Variants in KIAA0825 observed in about 807,000 individuals in gnomAD.
KIAA0825 encodes KIAA0825.
KIAA0825 carries 119 observed loss-of-function variants against 147.6 expected under a neutral mutation model. The ratio of observed to expected loss-of-function variants is 0.81; its 90% CI spans 0.69 to 0.94. KIAA0825 has a LOEUF of 0.94. KIAA0825 is among the 40% of genes least tolerant of loss of function. The pLI is 0.00. For missense variants in KIAA0825, 1,381 were observed against 1,472.7 expected (o/e 0.94, Z 1.02); for synonymous variants, 470 against 518.1 (o/e 0.91, Z 1.26).
chr5:94,225,801 T>C (rs918578156), intron 20 of KIAA0825, among the ~76,000 whole-genome samples: 4 of 152,168 alleles, frequency 2.6e-5, no homozygotes, highest in African/African-American at 9.7e-5. Context: ...GGAATACAGC[T>C]CAACATTTCT....
intron 20 of KIAA0825, among the ~76,000 whole-genome samples, chr5:94,356,403 C>T (rs1018878046): frequency 6.6e-6 from 1 of 151,502 alleles, no homozygotes; most frequent in Non-Finnish European, 1.5e-5. Context: ...GTCAGGAGAT[C>T]GAGACCCTCC....
At chr5:94,491,246 G>T (rs1378039251) in intron 5 of KIAA0825, among the ~76,000 whole-genome samples, 1 of 152,080 alleles carries the variant, frequency 6.6e-6, no homozygotes, top group African/African-American at 2.4e-5. Flanking sequence ...ACACACAAAA[G>T]CTACTGAAAG....
chr5:94,302,207 G>A (rs375664192), intron 20 of KIAA0825, among the ~76,000 whole-genome samples: 5 of 151,968 alleles, frequency 3.3e-5, no homozygotes, highest in African/African-American at 9.7e-5. Flanking sequence ...AAATAGGCCC[G>A]TTCAGCCCCA....
In KIAA0825 at chr5:94,473,470, A is replaced by G; in HGVS notation, c.1277T>C (p.Leu426Pro). 1.9e-6 allele frequency: 3 copies of G among 1,551,802 alleles called. No individual in the cohort carries two copies. The South Asian group carries it at 3.6e-5, about 18-fold the overall frequency. Residue 426 changes from leucine (L) to proline (P), a missense_variant, in exon 8 of 21, where the codon CTT becomes CCT. Physicochemically the swap from Leu to Pro is moderately conservative, Grantham distance 98. Coordinates refer to ENST00000682413, the MANE Select transcript of KIAA0825 (RefSeq NM_001145678.3). The stretch of plus-strand genomic sequence containing the variant: ...AGTTACTACGCAGTGCGCCATGGGA[A>G]GAGACACTTCTTTAAATGCACTTCT... ...GWRSAFKEVS[L>P]PMAHCVVTAI...
intron 20 of KIAA0825, among the ~76,000 whole-genome samples, chr5:94,281,801 C>T (rs1057376001): frequency 3.4e-4 from 51 of 152,122 alleles, no homozygotes; most frequent in African/African-American, 1.2e-3. Context: ...TTCCCCTTTC[C>T]CCGTTCCCTA....
At chr5:94,586,188 T>C (rs1783247745) in intron 1 of KIAA0825, among the ~76,000 whole-genome samples, 1 of 151,512 alleles carries the variant, frequency 6.6e-6, no homozygotes, top group South Asian at 2.1e-4. Context: ...ATAACTAAGA[T>C]CAGAGCAGAA....
At chr5:94,223,843 A>C (rs908498697) in intron 20 of KIAA0825, among the ~76,000 whole-genome samples, 1 of 152,120 alleles carries the variant, frequency 6.6e-6, no homozygotes, top group African/African-American at 2.4e-5. Context: ...GACATTTAAC[A>C]TGCCTTAGTT....
At chr5:94,275,296 A>G (rs568752371) in intron 20 of KIAA0825, among the ~76,000 whole-genome samples, 20 of 152,252 alleles carry the variant, frequency 1.3e-4, no homozygotes, top group African/African-American at 4.6e-4. Flanking sequence ...GAATTGGGAA[A>G]GCCCCCCAGA....
chr5:94,494,959 C>G (rs1280357161), intron 5 of KIAA0825, among the ~76,000 whole-genome samples: 2 of 152,180 alleles, frequency 1.3e-5, no homozygotes, highest in African/African-American at 4.8e-5. Context: ...AGATGGATTT[C>G]AGTTAAGACA....
chr5:94,212,560 T>C (rs1042420503), intron 20 of KIAA0825, among the ~76,000 whole-genome samples: 44 of 152,196 alleles, frequency 2.9e-4, no homozygotes, highest in African/African-American at 9.9e-4. Flanking sequence ...CATGGGACTA[T>C]GGGCAACATA....
At chr5:94,391,469 C>T (rs1475385360) in intron 18 of KIAA0825, 66 bp downstream of exon 18, 1 of 1,496,680 alleles carries the variant, frequency 6.7e-7, no homozygotes, top group Non-Finnish European at 9.1e-7. Flanking sequence ...TAACCCTTAG[C>T]TGCCAGCAGA....
chr5:94,188,175 G>A (rs1770326799), intron 20 of KIAA0825, among the ~76,000 whole-genome samples: 1 of 152,184 alleles, frequency 6.6e-6, no homozygotes, highest in Admixed American at 6.5e-5. Flanking sequence ...CTCCAGAGGA[G>A]AAATAAATGT....
chr5:94,230,635 AG>A (rs1774610428), intron 20 of KIAA0825, among the ~76,000 whole-genome samples: 1 of 152,184 alleles, frequency 6.6e-6, no homozygotes, highest in South Asian at 2.1e-4. Flanking sequence ...GTGAGGTCTC[AG>A]AAGATTCTTC....
intron 20 of KIAA0825, among the ~76,000 whole-genome samples, chr5:94,305,785 C>G (rs1244848276): frequency 6.6e-6 from 1 of 151,898 alleles, no homozygotes; most frequent in East Asian, 1.9e-4. Flanking sequence ...GACTCAGTAA[C>G]TTATTTGTGA....
intron 20 of KIAA0825, among the ~76,000 whole-genome samples, chr5:94,383,602 T>G: frequency 6.6e-6 from 1 of 152,118 alleles, no homozygotes; most frequent in East Asian, 1.9e-4. Context: ...TATTTGAAAA[T>G]GTATTATACT....
At chr5:94,579,340 A>G (rs1781652259) in intron 2 of KIAA0825, among the ~76,000 whole-genome samples, 1 of 152,224 alleles carries the variant, frequency 6.6e-6, no homozygotes, top group Non-Finnish European at 1.5e-5. Flanking sequence ...CCAAGATTAC[A>G]TGGGATAATC....
rs570937913 is a variant in KIAA0825 at position 94,347,577 on chromosome 5, G to A, written c.3710+36791C>T. Among the ~76,000 whole-genome samples, 303 of 152,292 alleles carry A rather than the reference G, an allele frequency of 2.0e-3. 2 individuals are homozygous for A. The highest frequency in any genetic ancestry group is 7.2e-3 in the African/African-American group (298 of 41,554). On this transcript the variant is annotated intron_variant, in intron 20 of 20. Coordinates refer to ENST00000682413, the MANE Select transcript of KIAA0825 (RefSeq NM_001145678.3). ...ACAATCACTGCAGTTTGGCTCACAG[G>A]AAGCCACATCCATAGGAAAAGGGAG...
chr5:94,529,327 TATC>T (rs1770183132), intron 3 of KIAA0825, among the ~76,000 whole-genome samples: 1 of 145,240 alleles, frequency 6.9e-6, no homozygotes, highest in Non-Finnish European at 1.5e-5. Context: ...TATATGTATA[TATC>T]ATATATATGT....
intron 14 of KIAA0825, among the ~76,000 whole-genome samples, chr5:94,421,783 T>C (rs1754225660): frequency 6.6e-6 from 1 of 152,170 alleles, no homozygotes; most frequent in Non-Finnish European, 1.5e-5. Context: ...TTTTCTATGA[T>C]TCCCCAATAT....
Sources: gnomAD v4.1 joint callset for allele counts (sites outside exome capture counted in the v4.1 genomes callset) on GRCh38, gnomAD v4.1.1 for gene constraint, MANE v1.5 for transcripts, NCBI Gene and HGNC (gene_info 2026-07-23, HGNC 2026-07-21) for gene names.